Variants in YWHAQ observed in about 807,000 individuals in gnomAD.
YWHAQ encodes 14-3-3 protein theta.
Under a neutral mutation model 28.3 loss-of-function variants are expected in YWHAQ, and 6 were observed. That is an observed-to-expected ratio of 0.21 (90% CI 0.12 to 0.42). YWHAQ has a LOEUF of 0.42. Among genes scored for constraint, YWHAQ ranks in the 10% least tolerant of loss-of-function variants. The pLI, the probability that YWHAQ is intolerant of heterozygous loss-of-function variation, is 1.00. For synonymous variants in YWHAQ, 143 were observed against 119.1 expected (o/e 1.20, Z -1.31); for missense variants, 201 against 305.6 (o/e 0.66, Z 2.55).
At chr2:9,595,252 T>C (rs1666546332) in intron 2 of YWHAQ, among the ~76,000 whole-genome samples, 1 of 152,210 alleles carries the variant, frequency 6.6e-6, no homozygotes, top group South Asian at 2.1e-4. Flanking sequence ...CTTTCCCAAA[T>C]AATCAAGTCT....
intron 2 of YWHAQ, among the ~76,000 whole-genome samples, chr2:9,601,099 T>C (rs1348604625): frequency 6.6e-6 from 1 of 152,220 alleles, no homozygotes; most frequent in African/African-American, 2.4e-5. Flanking sequence ...TTAATGCTAT[T>C]TATTTTCATT....
At chr2:9,606,033 T>G (rs1163431615) in intron 2 of YWHAQ, among the ~76,000 whole-genome samples, 2 of 152,292 alleles carry the variant, frequency 1.3e-5, no homozygotes, top group East Asian at 3.9e-4. Context: ...TATATAACAC[T>G]ATATGTACAG....
At chr2:9,618,453 C>G (rs539267482) in intron 2 of YWHAQ, among the ~76,000 whole-genome samples, 68 of 152,118 alleles carry the variant, frequency 4.5e-4, no homozygotes, top group African/African-American at 1.6e-3. Flanking sequence ...ATTTGTGTAG[C>G]AATCATCACT....
intron 2 of YWHAQ, among the ~76,000 whole-genome samples, chr2:9,600,584 A>G (rs1666672866): frequency 6.6e-6 from 1 of 152,152 alleles, no homozygotes; most frequent in African/African-American, 2.4e-5. Context: ...GCATGCCTGT[A>G]ATCCCAGCTA....
In YWHAQ at chr2:9,585,114, AAC is replaced by A; in HGVS notation, c.*170_*171del. 2 of 691,854 alleles carry A rather than the reference AAC, an allele frequency of 2.9e-6. No homozygotes were observed. Among genetic ancestry groups the A allele is most frequent in the South Asian group, 3.8e-5 (2 of 52,854 alleles). The allele number at this position is 691,854 out of a possible 1,614,324, so 42.9% of individuals were successfully genotyped here. On this transcript the variant is annotated 3_prime_UTR_variant, in exon 6 of 6. Coordinates refer to ENST00000238081, the MANE Select transcript of YWHAQ (RefSeq NM_006826.4). ...ACTGCACACCAGGAAGGCCAAGACA[AAC>A]ACAAATCAAGGAATGAAGTTTTCCC...
intron 2 of YWHAQ, among the ~76,000 whole-genome samples, chr2:9,594,932 A>C (rs1666539370): frequency 6.6e-6 from 1 of 152,252 alleles, no homozygotes; most frequent in Non-Finnish European, 1.5e-5. Flanking sequence ...GAAAGCTGCC[A>C]AACAGCTACT....
chr2:9,613,384 G>A (rs960517796), intron 2 of YWHAQ, among the ~76,000 whole-genome samples: 1 of 152,228 alleles, frequency 6.6e-6, no homozygotes, highest in African/African-American at 2.4e-5. Flanking sequence ...AAGTTGTCAT[G>A]ATGTCAGAGA....
chr2:9,606,479 T>C (rs1666830668), intron 2 of YWHAQ, among the ~76,000 whole-genome samples: 1 of 152,154 alleles, frequency 6.6e-6, no homozygotes, highest in African/African-American at 2.4e-5. Context: ...TTACTACAGT[T>C]TTATTAGCAT....
At chr2:9,626,543 C>T (rs998182578) in intron 2 of YWHAQ, among the ~76,000 whole-genome samples, 5 of 152,260 alleles carry the variant, frequency 3.3e-5, no homozygotes, top group African/African-American at 1.2e-4. Context: ...ATTCTCCTGC[C>T]TCGGCCTCCC....
chr2:9,588,662 T>C (rs1377618561), intron 3 of YWHAQ, among the ~76,000 whole-genome samples: 1 of 152,106 alleles, frequency 6.6e-6, no homozygotes, highest in Non-Finnish European at 1.5e-5. Flanking sequence ...TCCCAGCTAC[T>C]CAGGAGGCTG....
intron 2 of YWHAQ, among the ~76,000 whole-genome samples, chr2:9,626,109 CTATTT>C (rs750294914): frequency 4.5e-4 from 69 of 152,318 alleles, no homozygotes; most frequent in South Asian, 8.3e-4. Context: ...TCCCTACATA[CTATTT>C]TAACTCTCAT....
intron 2 of YWHAQ, among the ~76,000 whole-genome samples, chr2:9,611,121 G>A (rs1403123875): frequency 6.6e-6 from 1 of 152,140 alleles, no homozygotes; most frequent in East Asian, 1.9e-4. Context: ...TCTTGTCCGG[G>A]TTTGATACAT....
chr2:9,596,410 G>A (rs531556088), intron 2 of YWHAQ, among the ~76,000 whole-genome samples: 46 of 152,144 alleles, frequency 3.0e-4, no homozygotes, highest in African/African-American at 9.9e-4. Context: ...ATTTATAAGC[G>A]ATTTCCATTT....
In YWHAQ at chr2:9,587,939, C is replaced by T. The variant is rs1666378943; in HGVS notation, c.582+226G>A. On this transcript the variant is annotated intron_variant, in intron 4 of 5. Transcript: ENST00000238081. ...AACATCATTTATCCTTCTTTGATTA[C>T]TCTGCTCAGTATGCTCTGTAGGCAC... is the stretch of plus-strand genomic sequence containing the variant. Among the ~76,000 whole-genome samples the T allele has an allele frequency of 2.6e-5, 4 of 152,134 alleles. No homozygotes were observed. The South Asian group carries it at 8.3e-4, about 32-fold the overall frequency.
intron 2 of YWHAQ, among the ~76,000 whole-genome samples, chr2:9,605,247 C>T (rs144286611): frequency 3.4e-4 from 51 of 151,620 alleles, no homozygotes; most frequent in African/African-American, 1.2e-3. Flanking sequence ...GAGTAATCCT[C>T]CCACCTCAGC....
intron 2 of YWHAQ, among the ~76,000 whole-genome samples, chr2:9,621,285 C>T (rs529560458): frequency 2.6e-5 from 4 of 152,254 alleles, no homozygotes; most frequent in South Asian, 4.1e-4. Flanking sequence ...GCACTCATCA[C>T]CCAAACAAAA....
chr2:9,626,977 G>C (rs893389384), intron 2 of YWHAQ, among the ~76,000 whole-genome samples: 2 of 152,224 alleles, frequency 1.3e-5, no homozygotes, highest in African/African-American at 4.8e-5. Flanking sequence ...AAGAGACTTA[G>C]AAAGTTAAGC....
In YWHAQ at chr2:9,623,860, T is replaced by A. The variant is rs575098734; in HGVS notation, c.294+6299A>T. 3.9e-5 allele frequency among the ~76,000 whole-genome samples: 6 copies of A among 152,302 alleles called. No homozygotes were observed. The East Asian group carries it at 9.6e-4, about 24-fold the overall frequency. On this transcript the variant is annotated intron_variant, in intron 2 of 5. Coordinates refer to ENST00000238081, the MANE Select transcript of YWHAQ (RefSeq NM_006826.4). ...CTACTATGAAGGAGGGGAGGAGATT[T>A]GCCGTTCATCAATTTTCACTGCATC...
At chr2:9,598,194 A>C (rs1666618189) in intron 2 of YWHAQ, among the ~76,000 whole-genome samples, 1 of 152,022 alleles carries the variant, frequency 6.6e-6, no homozygotes, top group South Asian at 2.1e-4. Context: ...CGGACACCAC[A>C]CAGAAGACAT....
Sources: allele counts gnomAD v4.1 joint callset (sites outside exome capture counted in the v4.1 genomes callset), GRCh38; gene constraint gnomAD v4.1.1; transcripts MANE v1.5; gene names NCBI Gene and HGNC (gene_info 2026-07-23, HGNC 2026-07-21).